Variants in CNTLN observed in about 807,000 individuals in gnomAD.
CNTLN encodes the protein centlein, also known as centlein, centrosomal protein.
CNTLN carries 212 observed loss-of-function variants against 180.0 expected under a neutral mutation model. The observed-to-expected ratio is 1.18, with a 90% confidence interval of 1.05 to 1.32. The LOEUF is 1.32. Ranked by LOEUF, CNTLN falls within the 40% of genes most tolerant of loss-of-function variation. CNTLN has a pLI of 0.00. For synonymous variants in CNTLN, 722 were observed against 563.1 expected (o/e 1.28, Z -3.99); for missense variants, 2,095 against 1,610.9 (o/e 1.30, Z -5.14).
intron 1 of CNTLN, among the ~76,000 whole-genome samples, chr9:17,138,260 A>G (rs1366085897): frequency 2.0e-5 from 3 of 152,202 alleles, no homozygotes; most frequent in Non-Finnish European, 4.4e-5. Context: ...AAAAAGTGTT[A>G]TGTTTACATA....
chr9:17,282,505 G>T (rs1438783034), intron 6 of CNTLN, among the ~76,000 whole-genome samples: 1 of 152,132 alleles, frequency 6.6e-6, no homozygotes, highest in Admixed American at 6.5e-5. Flanking sequence ...CAGATGGATA[G>T]ATTGCAAAAA....
chr9:17,296,321 T>C (rs1467079103), intron 6 of CNTLN, among the ~76,000 whole-genome samples: 1 of 152,114 alleles, frequency 6.6e-6, no homozygotes, highest in Non-Finnish European at 1.5e-5. Context: ...CCCTGCCTAG[T>C]GTGTTTCTTT....
the CNTLN span, among the ~76,000 whole-genome samples, chr9:17,511,484 T>C: frequency 6.6e-6 from 1 of 152,208 alleles, no homozygotes; most frequent in Non-Finnish European, 1.5e-5. Flanking sequence ...ATTCACTTCC[T>C]AGCTCTTCCA....
At chr9:17,202,097 T>C (rs1016381868) in intron 2 of CNTLN, among the ~76,000 whole-genome samples, 1 of 152,234 alleles carries the variant, frequency 6.6e-6, no homozygotes, top group Non-Finnish European at 1.5e-5. Flanking sequence ...ATTTACCCAG[T>C]AGTCATTCAG....
chr9:17,300,911 A>T, intron 7 of CNTLN: 1 of 920,102 alleles, frequency 1.1e-6, no homozygotes, highest in Non-Finnish European at 1.3e-6. Flanking sequence ...AGTTATCTGC[A>T]TAGATACCAT....
At chr9:17,522,031 CT>C in the CNTLN span, among the ~76,000 whole-genome samples, 1 of 40,794 alleles carries the variant, frequency 2.5e-5, no homozygotes, top group African/African-American at 3.7e-5. Flanking sequence ...GCATTAGCAA[CT>C]ACTGTTTACA....
chr9:17,222,855 TG>T (rs1824233878), intron 2 of CNTLN, among the ~76,000 whole-genome samples: 1 of 152,058 alleles, frequency 6.6e-6, no homozygotes, highest in Non-Finnish European at 1.5e-5. Flanking sequence ...TTTCATGTGA[TG>T]TTTTTTCCTT....
chr9:17,346,510 A>C (rs1249057623), intron 12 of CNTLN, among the ~76,000 whole-genome samples: 1 of 152,198 alleles, frequency 6.6e-6, no homozygotes, highest in East Asian at 1.9e-4. Context: ...GTAGAATTAT[A>C]ACTTAGCAAT....
At chr9:17,510,818 A>G in the CNTLN span, among the ~76,000 whole-genome samples, 1 of 152,224 alleles carries the variant, frequency 6.6e-6, no homozygotes, top group Non-Finnish European at 1.5e-5. Flanking sequence ...GCTATTGCAT[A>G]TAAAGCTATC....
At chr9:17,198,853 A>G (rs947314497) in intron 2 of CNTLN, among the ~76,000 whole-genome samples, 2 of 152,184 alleles carry the variant, frequency 1.3e-5, no homozygotes. Context: ...TGCAAAGGAC[A>G]TGAACTCATT....
intron 8 of CNTLN, among the ~76,000 whole-genome samples, chr9:17,320,522 GA>G (rs1819837213): frequency 6.6e-6 from 1 of 151,626 alleles, no homozygotes; most frequent in Non-Finnish European, 1.5e-5. Context: ...GTTTTTTTGA[GA>G]TGGAGTTTCA....
intron 5 of CNTLN, among the ~76,000 whole-genome samples, chr9:17,271,606 A>G (rs936955478): frequency 2.6e-5 from 4 of 152,124 alleles, no homozygotes; most frequent in African/African-American, 7.2e-5. Flanking sequence ...TTTTCAGCCT[A>G]TCTTTCTTGT....
At chr9:17,199,871 T>C (rs1032761727) in intron 2 of CNTLN, among the ~76,000 whole-genome samples, 3 of 152,220 alleles carry the variant, frequency 2.0e-5, no homozygotes, top group African/African-American at 7.2e-5. Flanking sequence ...TTTTGACTTT[T>C]GTTGCAATTG....
At chr9:17,359,749 A>AAAAAAAAAAAAAAAAAAAG (rs1231775323) in intron 12 of CNTLN, among the ~76,000 whole-genome samples, 1 of 138,232 alleles carries the variant, frequency 7.2e-6, no homozygotes, top group Non-Finnish European at 1.6e-5. Flanking sequence ...AAAAAAAAAA[A>AAAAAAAAAAAAAAAAAAAG]ACTAGCTGGG....
intron 5 of CNTLN, among the ~76,000 whole-genome samples, chr9:17,268,440 G>A (rs1377594671): frequency 1.3e-5 from 2 of 152,174 alleles, no homozygotes; most frequent in South Asian, 4.2e-4. Context: ...GTGTCTGTCA[G>A]TCTGCCCCTA....
At chr9:17,269,341 G>A (rs1461002946) in intron 5 of CNTLN, among the ~76,000 whole-genome samples, 1 of 151,976 alleles carries the variant, frequency 6.6e-6, no homozygotes, top group Non-Finnish European at 1.5e-5. Context: ...TGTTTCCAAT[G>A]TGTAAATTTA....
At chr9:17,170,495 A>C (rs1586992598) in intron 2 of CNTLN, among the ~76,000 whole-genome samples, 1 of 152,098 alleles carries the variant, frequency 6.6e-6, no homozygotes, top group South Asian at 2.1e-4. Context: ...CTTTACTTTT[A>C]CATTCCTTTT....
chr9:17,445,655 G>A (rs1195488656), intron 18 of CNTLN, among the ~76,000 whole-genome samples: 3 of 152,116 alleles, frequency 2.0e-5, no homozygotes, highest in African/African-American at 7.2e-5. Flanking sequence ...CAAAAACTGC[G>A]GAAGGCCTCA....
chr9:17,269,038 C>G (rs1419600967), intron 5 of CNTLN, among the ~76,000 whole-genome samples: 1 of 152,048 alleles, frequency 6.6e-6, no homozygotes, highest in African/African-American at 2.4e-5. Flanking sequence ...TGCGCTGCAC[C>G]CACTGTCCTG....
Sources: gnomAD v4.1 joint callset for allele counts (sites outside exome capture counted in the v4.1 genomes callset) on GRCh38, gnomAD v4.1.1 for gene constraint, MANE v1.5 for transcripts, NCBI Gene and HGNC (gene_info 2026-07-23, HGNC 2026-07-21) for gene names.